The following NCOA1 variants were observed in gnomAD, a reference collection of about 807,000 sequenced individuals.
NCOA1 encodes Hin-2 protein.
Under a neutral mutation model 150.9 loss-of-function variants are expected in NCOA1, and 35 were observed. The ratio of observed to expected loss-of-function variants is 0.23; its 90% CI spans 0.18 to 0.31. The LOEUF (loss-of-function observed/expected upper bound fraction) is 0.31, where lower values mean the gene tolerates loss of function less well. NCOA1 is among the 10% of genes least tolerant of loss of function. The pLI is 1.00. For missense variants in NCOA1, 1,491 were observed against 1,749.3 expected, an observed-to-expected ratio of 0.85 and a Z score of 2.63; for synonymous variants, 590 against 630.0, an observed-to-expected ratio of 0.94 and a Z score of 0.95.
intron 1 of NCOA1, chr2:24,492,173 A>G (rs1357575364): frequency 6.6e-6 from 1 of 151,810 alleles, no homozygotes; most frequent in African/African-American, 2.4e-5. Flanking sequence ...CCTTCTCCCG[A>G]GAAGGGGTTT....
intron 2 of NCOA1, among the ~76,000 whole-genome samples, chr2:24,572,357 G>A (rs1211590931): frequency 6.6e-6 from 1 of 152,122 alleles, no homozygotes; most frequent in East Asian, 1.9e-4. Context: ...GTTTCCAAAA[G>A]AATACTTGTT....
At chr2:24,678,959 C>T (rs973118856) in intron 7 of NCOA1, among the ~76,000 whole-genome samples, 8 of 152,146 alleles carry the variant, frequency 5.3e-5, no homozygotes, top group Non-Finnish European at 1.2e-4. Context: ...TCTGCCCGTG[C>T]CTATGTACTG....
intron 3 of NCOA1, among the ~76,000 whole-genome samples, chr2:24,604,817 C>T (rs578070584): frequency 1.2e-4 from 18 of 152,288 alleles, no homozygotes; most frequent in African/African-American, 3.8e-4. Context: ...CTTTTGCACT[C>T]ACAACTTGGC....
At chr2:24,707,916 G>A (rs756287761) in intron 13 of NCOA1, 28 bp downstream of exon 13, 5 of 1,551,668 alleles carry the variant, frequency 3.2e-6, no homozygotes, top group South Asian at 1.3e-5. Context: ...TCACAGAATG[G>A]TCATTCTTAG....
chr2:24,736,013 G>A (rs1335891864), intron 17 of NCOA1, among the ~76,000 whole-genome samples: 1 of 152,048 alleles, frequency 6.6e-6, no homozygotes, highest in Non-Finnish European at 1.5e-5. Flanking sequence ...CCTGAGGTCG[G>A]GAGTTTGAGA....
At chr2:24,629,480 T>G (rs1206439256) in intron 3 of NCOA1, among the ~76,000 whole-genome samples, 3 of 12,392 alleles carry the variant, frequency 2.4e-4, no homozygotes, top group African/African-American at 3.1e-4. Flanking sequence ...ACTGTTTGGG[T>G]TTTTTTTTTT....
chr2:24,494,470 A>G (rs1663113845), intron 1 of NCOA1, among the ~76,000 whole-genome samples: 1 of 152,164 alleles, frequency 6.6e-6, no homozygotes, highest in South Asian at 2.1e-4. Context: ...AGTTTTCATT[A>G]TAGGGCAGGT....
intron 1 of NCOA1, among the ~76,000 whole-genome samples, chr2:24,543,523 C>T (rs1665485370): frequency 6.6e-6 from 1 of 151,948 alleles, no homozygotes; most frequent in Non-Finnish European, 1.5e-5. Context: ...AGTTTCTAGT[C>T]TAGCAAGGGA....
At position 24,549,950 on chromosome 2, in the gene NCOA1, C is replaced by T. The variant is rs183483493; in HGVS notation, c.-395-14345C>T. 1.1e-4 allele frequency among the ~76,000 whole-genome samples: 17 copies of T among 152,222 alleles called. No individual in the cohort carries two copies. The East Asian group carries it at 2.1e-3, about 19-fold the overall frequency. On this transcript the variant is annotated intron_variant, in intron 1 of 22. Coordinates refer to ENST00000348332, the MANE Select transcript of NCOA1 (RefSeq NM_003743.5). ...TGTTTTATTGCTTAGAAATTTCATCCGCCAGATACCCTAAATCATCTCTCT... is the reference window on the plus strand; with the variant it reads ...TGTTTTATTGCTTAGAAATTTCATCTGCCAGATACCCTAAATCATCTCTCT...
At chr2:24,491,735 C>A (rs1045847831) in intron 1 of NCOA1, among the ~76,000 whole-genome samples, 133 bp downstream of exon 1, 3 of 151,522 alleles carry the variant, frequency 2.0e-5, no homozygotes, top group East Asian at 1.9e-4. Context: ...CCCGCTCCAT[C>A]CTCCTCCCAC....
intron 1 of NCOA1, among the ~76,000 whole-genome samples, chr2:24,510,250 C>T (rs868351422): frequency 5.9e-5 from 9 of 152,194 alleles, no homozygotes; most frequent in African/African-American, 2.2e-4. Context: ...GGGGTTTCAC[C>T]ATGTTGGCCA....
intron 22 of NCOA1, among the ~76,000 whole-genome samples, chr2:24,765,640 G>T (rs951534532): frequency 6.6e-6 from 1 of 152,102 alleles, no homozygotes; most frequent in Non-Finnish European, 1.5e-5. Flanking sequence ...CCAGAGCCCT[G>T]CCCTGAAACA....
chr2:24,543,891 T>C (rs1248518444), intron 1 of NCOA1, among the ~76,000 whole-genome samples: 1 of 152,144 alleles, frequency 6.6e-6, no homozygotes, highest in Non-Finnish European at 1.5e-5. Context: ...TCTGGTTTGT[T>C]TTTTAGAAAA....
chr2:24,726,548 C>A, intron 14 of NCOA1, 41 bp from the exon 15 acceptor site: 1 of 1,253,676 alleles, frequency 8.0e-7, no homozygotes, highest in Non-Finnish European at 1.2e-6. Flanking sequence ...ATTTTATCCT[C>A]CACTGAGATA....
At chr2:24,716,047 G>A (rs550557132) in intron 14 of NCOA1, among the ~76,000 whole-genome samples, 13 of 151,660 alleles carry the variant, frequency 8.6e-5, no homozygotes, top group African/African-American at 3.1e-4. Context: ...GGGAGGCTGA[G>A]GCAGGAGAAT....
At chr2:24,674,602 T>C (rs945854056) in intron 7 of NCOA1, among the ~76,000 whole-genome samples, 5 of 152,178 alleles carry the variant, frequency 3.3e-5, no homozygotes, top group African/African-American at 9.6e-5. Flanking sequence ...GGTAATATTA[T>C]AATGTATTTA....
chr2:24,524,908 C>T (rs1185756979), intron 1 of NCOA1, among the ~76,000 whole-genome samples: 1 of 152,164 alleles, frequency 6.6e-6, no homozygotes, highest in African/African-American at 2.4e-5. Context: ...CTGCACCCAG[C>T]CTACTTCATA....
intron 17 of NCOA1, among the ~76,000 whole-genome samples, chr2:24,731,446 T>C (rs1158475787): frequency 5.9e-5 from 9 of 152,208 alleles, no homozygotes; most frequent in African/African-American, 2.2e-4. Flanking sequence ...TGGCATATTG[T>C]AGCAGTTGAT....
chr2:24,521,410 C>G (rs1664413139), intron 1 of NCOA1, among the ~76,000 whole-genome samples: 1 of 152,176 alleles, frequency 6.6e-6, no homozygotes, highest in African/African-American at 2.4e-5. Context: ...TCTTCAGCCT[C>G]TGATAACCAT....
Sources: gnomAD v4.1 joint callset for allele counts (sites outside exome capture counted in the v4.1 genomes callset) on GRCh38, gnomAD v4.1.1 for gene constraint, MANE v1.5 for transcripts, NCBI Gene and HGNC (gene_info 2026-07-23, HGNC 2026-07-21) for gene names.